The following FHIT variants were observed in gnomAD, a reference collection of about 807,000 sequenced individuals.
FHIT encodes fragile histidine triad diadenosine triphosphatase.
Under a neutral mutation model 17.9 loss-of-function variants are expected in FHIT, and 19 were observed. That is an observed-to-expected ratio of 1.06 (90% CI 0.74 to 1.56). The LOEUF is 1.56. FHIT is among the 40% of genes most tolerant of loss of function. FHIT has a pLI of 0.00. For synonymous variants in FHIT, 81 were observed against 69.7 expected (o/e 1.16, Z -0.81); for missense variants, 248 against 189.2 (o/e 1.31, Z -1.82).
rs964415914 is a variant in FHIT at position 59,749,195 on chromosome 3, G to A, written c.*390C>T. Reference sequence around the variant, plus strand: ...ATATGTAGACATTTTTTTTGAAAAGGGAAGAAATAAGCAGGTGGACCAATC... The same window carrying A: ...ATATGTAGACATTTTTTTTGAAAAGAGAAGAAATAAGCAGGTGGACCAATC... On this transcript the variant is annotated 3_prime_UTR_variant, in exon 10 of 10. Transcript: ENST00000492590. 1.7e-5 allele frequency: 4 copies of A among 229,618 alleles called. No homozygotes were observed. The highest frequency in any genetic ancestry group is 6.7e-5 in the African/African-American group (3 of 45,074). The allele number at this position is 229,618 out of a possible 1,614,324, so 14.2% of individuals were successfully genotyped here.
chr3:59,814,993 T>C (rs2107064670), intron 8 of FHIT, among the ~76,000 whole-genome samples: 1 of 152,330 alleles, frequency 6.6e-6, no homozygotes, highest in South Asian at 2.1e-4. Flanking sequence ...TTCATAGAAA[T>C]GGGTGATACT....
intron 1 of FHIT, among the ~76,000 whole-genome samples, chr3:61,248,234 A>T (rs1880212): frequency 0.097 from 14,793 of 151,978 alleles, 787 homozygotes; most frequent in Admixed American, 0.11. Context: ...TGCCACAAGT[A>T]CTTTTTCAGT....
chr3:60,773,729 T>C (rs11710207), intron 4 of FHIT, among the ~76,000 whole-genome samples: 59,201 of 152,154 alleles, frequency 0.39, 11,868 homozygotes, highest in Non-Finnish European at 0.42. Context: ...TTTGGCCTTA[T>C]AGTTTATTCA....
At chr3:60,395,704 A>T (rs2107171144) in intron 5 of FHIT, among the ~76,000 whole-genome samples, 1 of 152,328 alleles carries the variant, frequency 6.6e-6, no homozygotes, top group South Asian at 2.1e-4. Flanking sequence ...ACTAGACAAG[A>T]AAGTAATTCC....
chr3:60,643,825 A>G (rs535825721), intron 4 of FHIT, among the ~76,000 whole-genome samples: 2 of 152,344 alleles, frequency 1.3e-5, no homozygotes, highest in East Asian at 3.9e-4. Flanking sequence ...GAAATAACTT[A>G]TCATCATTAG....
At chr3:60,941,138 T>A (rs941159232) in intron 3 of FHIT, among the ~76,000 whole-genome samples, 4 of 152,228 alleles carry the variant, frequency 2.6e-5, no homozygotes, top group African/African-American at 4.8e-5. Flanking sequence ...AAATCCAGCA[T>A]GTATATTCCA....
At chr3:60,351,378 G>C (rs1699386511) in intron 5 of FHIT, among the ~76,000 whole-genome samples, 1 of 152,172 alleles carries the variant, frequency 6.6e-6, no homozygotes, top group Non-Finnish European at 1.5e-5. Context: ...GAGTTCTACA[G>C]TTGATGGGCA....
intron 5 of FHIT, among the ~76,000 whole-genome samples, chr3:60,211,261 T>C (rs1376366201): frequency 1.3e-5 from 2 of 152,074 alleles, no homozygotes; most frequent in East Asian, 1.9e-4. Flanking sequence ...TATACATACA[T>C]GTATGTATAT....
intron 2 of FHIT, among the ~76,000 whole-genome samples, chr3:61,043,480 T>A (rs1231507731): frequency 6.6e-6 from 1 of 151,946 alleles, no homozygotes; most frequent in African/African-American, 2.4e-5. Context: ...GCCCAGAAAC[T>A]CAAACTGGGT....
chr3:61,098,828 T>C (rs1317003006), intron 2 of FHIT, among the ~76,000 whole-genome samples: 1 of 152,258 alleles, frequency 6.6e-6, no homozygotes, highest in African/African-American at 2.4e-5. Context: ...TGAAGTTGTT[T>C]ATAAGCTTAA....
chr3:59,804,445 G>A (rs1047958966), intron 8 of FHIT, among the ~76,000 whole-genome samples: 11 of 152,172 alleles, frequency 7.2e-5, no homozygotes, highest in Admixed American at 3.9e-4. Flanking sequence ...TGGACAAAAT[G>A]CGCAAACAAA....
intron 8 of FHIT, among the ~76,000 whole-genome samples, chr3:59,843,005 C>T (rs914273588): frequency 9.9e-5 from 15 of 152,152 alleles, no homozygotes; most frequent in Admixed American, 7.9e-4. Flanking sequence ...GAGGCTTTTG[C>T]TCTAAATTTT....
intron 5 of FHIT, among the ~76,000 whole-genome samples, chr3:60,498,478 T>C (rs186886601): frequency 2.4e-4 from 37 of 152,230 alleles, no homozygotes; most frequent in Admixed American, 3.3e-4. Flanking sequence ...CAACTAAGGG[T>C]TGGGAACGAC....
chr3:60,161,538 A>G (rs1175601154), intron 5 of FHIT, among the ~76,000 whole-genome samples: 1 of 152,200 alleles, frequency 6.6e-6, no homozygotes, highest in African/African-American at 2.4e-5. Context: ...TCATCAAGAA[A>G]GAAGACACTT....
intron 8 of FHIT, among the ~76,000 whole-genome samples, chr3:59,780,621 T>A (rs1005094865): frequency 1.7e-4 from 26 of 152,148 alleles, no homozygotes; most frequent in African/African-American, 6.0e-4. Flanking sequence ...TGATTAGGGT[T>A]AGATGAGGTC....
At chr3:60,447,664 TA>T (rs966526436) in intron 5 of FHIT, among the ~76,000 whole-genome samples, 2 of 151,866 alleles carry the variant, frequency 1.3e-5, no homozygotes, top group South Asian at 4.2e-4. Context: ...AATACAATAA[TA>T]AAAAAAATCA....
intron 5 of FHIT, among the ~76,000 whole-genome samples, chr3:60,193,898 A>G (rs1307579165): frequency 6.6e-6 from 1 of 152,184 alleles, no homozygotes; most frequent in East Asian, 1.9e-4. Context: ...TATGGGTGTT[A>G]AAAAATGGGC....
intron 8 of FHIT, among the ~76,000 whole-genome samples, chr3:59,896,887 C>T (rs1195327011): frequency 1.3e-5 from 2 of 151,886 alleles, no homozygotes; most frequent in Non-Finnish European, 2.9e-5. Context: ...TTTTTTTGGA[C>T]CACGTGATAT....
intron 2 of FHIT, among the ~76,000 whole-genome samples, chr3:61,135,014 G>A (rs2036872210): frequency 6.6e-6 from 1 of 152,118 alleles, no homozygotes. Flanking sequence ...CAGAAAAGTA[G>A]GGGCTAGAGG....
Sources: gnomAD v4.1 joint callset for allele counts (sites outside exome capture counted in the v4.1 genomes callset) on GRCh38, gnomAD v4.1.1 for gene constraint, MANE v1.5 for transcripts, NCBI Gene and HGNC (gene_info 2026-07-23, HGNC 2026-07-21) for gene names.